TRHDE: variants seen among roughly 807,000 people sequenced by gnomAD.
The protein encoded by TRHDE is thyrotropin releasing hormone degrading enzyme.
A neutral mutation model predicts 125.7 loss-of-function variants in TRHDE; 72 were observed. The ratio of observed to expected loss-of-function variants is 0.57; its 90% CI spans 0.47 to 0.70. The LOEUF is 0.70. TRHDE is among the 30% of genes least tolerant of loss of function. TRHDE has a pLI of 0.00. For synonymous variants in TRHDE, 509 were observed against 509.1 expected (o/e 1.00, Z 0.00); for missense variants, 1,110 against 1,327.1 (o/e 0.84, Z 2.54).
At chr12:72,171,956 G>A (rs1439768685) in intron 2 of TRHDE, among the ~76,000 whole-genome samples, 2 of 152,122 alleles carry the variant, frequency 1.3e-5, no homozygotes, top group South Asian at 2.1e-4. Flanking sequence ...GTCTTCACAT[G>A]CCCACTGTTC....
intron 5 of TRHDE, among the ~76,000 whole-genome samples, chr12:72,490,085 A>G (rs1877593669): frequency 6.6e-6 from 1 of 151,880 alleles, no homozygotes; most frequent in African/African-American, 2.4e-5. Flanking sequence ...TTTGCCAGCC[A>G]TATATCTGAT....
At chr12:72,091,677 A>C (rs1874794087) in intron 1 of TRHDE, among the ~76,000 whole-genome samples, 1 of 152,184 alleles carries the variant, frequency 6.6e-6, no homozygotes, top group East Asian at 1.9e-4. Context: ...TATATAAGTA[A>C]ACAGCAAACT....
chr12:72,101,230 TACCAAAACAGCCAA>T (rs1424478700), intron 1 of TRHDE, among the ~76,000 whole-genome samples: 2 of 152,218 alleles, frequency 1.3e-5, no homozygotes, highest in Admixed American at 6.5e-5. Flanking sequence ...TATACCACTT[TACCAAAACAGCCAA>T]TAAATGTTTA....
intron 2 of TRHDE, among the ~76,000 whole-genome samples, chr12:72,355,451 C>G (rs111860301): frequency 1.1e-4 from 16 of 151,674 alleles, no homozygotes; most frequent in African/African-American, 3.6e-4. Flanking sequence ...ACCTTCAAAA[C>G]CCAAGAGGAC....
At chr12:72,121,071 G>C (rs549238249) in intron 2 of TRHDE, among the ~76,000 whole-genome samples, 1 of 152,006 alleles carries the variant, frequency 6.6e-6, no homozygotes, top group Non-Finnish European at 1.5e-5. Context: ...TCATCTTTTA[G>C]TCTTTCTGTT....
chr12:72,173,517 C>A (rs1238852704), intron 2 of TRHDE, among the ~76,000 whole-genome samples: 1 of 152,196 alleles, frequency 6.6e-6, no homozygotes, highest in Non-Finnish European at 1.5e-5. Context: ...GCCTCCCTGG[C>A]ACCTTCCTTG....
intron 12 of TRHDE, among the ~76,000 whole-genome samples, chr12:72,614,142 A>G (rs1345344310): frequency 6.6e-6 from 1 of 151,760 alleles, no homozygotes; most frequent in Non-Finnish European, 1.5e-5. Context: ...TCATGATCCA[A>G]ACACCTCCCA....
At chr12:72,271,582 C>T (rs1427960617), upstream of TRHDE, among the ~76,000 whole-genome samples, 2 of 152,146 alleles carry the variant, frequency 1.3e-5, no homozygotes, top group African/African-American at 4.8e-5. Context: ...CAGTGCCTGC[C>T]TCTGCCGCTC....
chr12:72,668,113 C>T lies in TRHDE; in HGVS notation c.*4918C>T, dbSNP rs1472318325. 2.0e-5 allele frequency: 3 copies of T among 151,478 alleles called. No homozygotes were observed. The highest frequency in any genetic ancestry group is 6.6e-5 in the Admixed American group (1 of 15,154). 9.4% of individuals were successfully genotyped at this position (151,478 alleles called of 1,614,324 possible). ...CCAAATTTTAATTATATAAGAACAACCTTTTGTTCAATTGCTTTGAACTAA... is the reference window on the plus strand; with the variant it reads ...CCAAATTTTAATTATATAAGAACAATCTTTTGTTCAATTGCTTTGAACTAA... On this transcript the variant is annotated 3_prime_UTR_variant, in exon 19 of 19. Transcript: ENST00000261180.
rs1193651912 is a variant in TRHDE, at chr12:72,391,011, A to G, written c.1315+12890A>G. ...GGATGATTATTGAGAGATTATTACA[A>G]GAAAAAAGAACCTTAGAAAGAAATT... On this transcript the variant is annotated intron_variant, in intron 3 of 18. Coordinates refer to ENST00000261180, the MANE Select transcript of TRHDE (RefSeq NM_013381.3). Among the ~76,000 whole-genome samples the G allele has an allele frequency of 7.2e-5, 11 of 152,270 alleles. No individual in the cohort carries two copies. In the South Asian group the frequency reaches 2.3e-3, roughly 32 times the overall value.
chr12:72,272,870 A>C lies in TRHDE; in HGVS notation c.227A>C (p.Glu76Ala). 1 of 1,580,586 alleles carries C rather than the reference A, an allele frequency of 6.3e-7. No individual in the cohort carries two copies. Among genetic ancestry groups the C allele is most frequent in the Non-Finnish European group, 8.5e-7 (1 of 1,171,404 alleles). ...DSVGVRPRTT[E>A]RHIAVHKRLV... ...GTGGGAGTGCGACCCCGCACCACGG[A>C]GCGCCACATCGCCGTACACAAGCGG... is the stretch of plus-strand genomic sequence containing the variant. The change falls in exon 1 of 19, where the codon GAG becomes GCG. Residue 76 changes from glutamate (E) to alanine (A), a missense_variant. Physicochemically the swap from Glu to Ala is moderately radical, Grantham distance 107. Coordinates refer to ENST00000261180, the MANE Select transcript of TRHDE (RefSeq NM_013381.3). This position sits in a 1 kb window ranked among gnomAD's most constrained non-coding sequence, Gnocchi z 6.7.
At chr12:72,488,734 G>A (rs1056459119) in intron 5 of TRHDE, among the ~76,000 whole-genome samples, 1 of 151,870 alleles carries the variant, frequency 6.6e-6, no homozygotes, top group African/African-American at 2.4e-5. Flanking sequence ...ACATTGTTCA[G>A]AATAGACCAT....
intron 2 of TRHDE, among the ~76,000 whole-genome samples, chr12:72,307,194 T>G (rs1592533350): frequency 6.6e-6 from 1 of 152,132 alleles, no homozygotes; most frequent in Non-Finnish European, 1.5e-5. Flanking sequence ...TCGCTCTGGC[T>G]GGAGTGCAGT....
At chr12:72,594,924 C>G (rs1276603332) in intron 12 of TRHDE, among the ~76,000 whole-genome samples, 1 of 151,642 alleles carries the variant, frequency 6.6e-6, no homozygotes, top group Admixed American at 6.6e-5. Context: ...CATGGAATAC[C>G]ATGCAGCCAT....
intron 2 of TRHDE, among the ~76,000 whole-genome samples, chr12:72,208,996 G>T (rs890130612): frequency 6.6e-6 from 1 of 151,942 alleles, no homozygotes; most frequent in Non-Finnish European, 1.5e-5. Context: ...GCCTTTCTGC[G>T]GCTCCGAGCC....
chr12:72,509,441 A>G (rs1396016166), intron 6 of TRHDE, among the ~76,000 whole-genome samples: 2 of 152,054 alleles, frequency 1.3e-5, no homozygotes, highest in African/African-American at 2.4e-5. Context: ...TCATGGTGCT[A>G]CTGTTCTACC....
chr12:72,600,322 T>C (rs980678863), intron 12 of TRHDE, among the ~76,000 whole-genome samples: 1 of 152,146 alleles, frequency 6.6e-6, no homozygotes, highest in African/African-American at 2.4e-5. Context: ...AGGAATAGAA[T>C]TGAATCTGTA....
intron 2 of TRHDE, among the ~76,000 whole-genome samples, chr12:72,361,419 T>C (rs1195773260): frequency 6.6e-6 from 1 of 151,772 alleles, no homozygotes; most frequent in Non-Finnish European, 1.5e-5. Flanking sequence ...GTTGGAAAGA[T>C]GCAATAAAGT....
chr12:72,151,716 C>G (rs1421591862), intron 2 of TRHDE, among the ~76,000 whole-genome samples: 1 of 152,056 alleles, frequency 6.6e-6, no homozygotes, highest in Non-Finnish European at 1.5e-5. Context: ...AGACATGTGG[C>G]ATTATTTCTG....
Sources: allele counts gnomAD v4.1 joint callset (sites outside exome capture counted in the v4.1 genomes callset), GRCh38; gene constraint gnomAD v4.1.1; non-coding constraint Gnocchi (gnomAD v3.1); transcripts MANE v1.5; gene names NCBI Gene and HGNC (gene_info 2026-07-23, HGNC 2026-07-21).